The following LOXHD1 variants were observed in gnomAD, a reference collection of about 807,000 sequenced individuals.
LOXHD1 encodes lipoxygenase homology domain-containing protein 1.
A neutral mutation model predicts 248.2 loss-of-function variants in LOXHD1; 205 were observed. The ratio of observed to expected loss-of-function variants is 0.83; its 90% CI spans 0.74 to 0.93. The LOEUF (loss-of-function observed/expected upper bound fraction) is 0.93, where lower values mean the gene tolerates loss of function less well. Among genes scored for constraint, LOXHD1 ranks in the 40% least tolerant of loss-of-function variants. The pLI, the probability that LOXHD1 is intolerant of heterozygous loss-of-function variation, is 0.00. For missense variants in LOXHD1, 2,930 were observed against 2,971.6 expected (o/e 0.99, Z 0.33); for synonymous variants, 1,113 against 1,162.8 (o/e 0.96, Z 0.87).
At chr18:46,653,657 GATGA>G (rs1043918662) in intron 1 of LOXHD1, among the ~76,000 whole-genome samples, 5 of 152,136 alleles carry the variant, frequency 3.3e-5, no homozygotes, top group African/African-American at 9.7e-5. Context: ...TAATTATCTG[GATGA>G]ATGATCATAT....
At chr18:46,577,611 T>G in intron 14 of LOXHD1, 96 bp downstream of exon 14, 2 of 1,399,748 alleles carry the variant, frequency 1.4e-6, no homozygotes, top group African/African-American at 1.4e-5. Flanking sequence ...AAGCCACTGT[T>G]TTGCTTGCTG....
chr18:46,603,998 C>G lies in LOXHD1; in HGVS notation c.883+108G>C, dbSNP rs945195044. ...AGCAGGAGGAATGCTGTCTGCAGAC[C>G]CAGCTGGCTCCTGTTTGATCACAGG... On this transcript the variant is annotated intron_variant, in intron 7 of 40. Transcript: ENST00000642948. The G allele has an allele frequency of 3.5e-6, 5 of 1,432,104 alleles. No individual in the cohort carries two copies. The African/African-American group carries it at 7.1e-5, about 20-fold the overall frequency. 88.7% of individuals were successfully genotyped at this position (1,432,104 alleles called of 1,614,324 possible).
At position 46,553,605 on chromosome 18, in the gene LOXHD1, CCAGA is replaced by C. The variant is rs560073608; in HGVS notation, c.3350+3747_3350+3750del. Among the ~76,000 whole-genome samples, 5 of 152,286 alleles carry C rather than the reference CCAGA, an allele frequency of 3.3e-5. No homozygotes were observed. In the East Asian group the frequency reaches 9.6e-4, roughly 29 times the overall value. ...GTATTTATGGTATGCCTGTAGTGTG[CCAGA>C]CATTCTTCTACGTGCTGGGGTGGAC... On this transcript the variant is annotated intron_variant, in intron 21 of 40. Transcript: ENST00000642948.
At chr18:46,481,863 A>G (rs2032600437) in intron 40 of LOXHD1, among the ~76,000 whole-genome samples, 1 of 152,208 alleles carries the variant, frequency 6.6e-6, no homozygotes. Flanking sequence ...GGAAGGTGCC[A>G]GGTGGTGCTG....
chr18:46,560,063 A>G lies in LOXHD1; in HGVS notation c.3061+20T>C, dbSNP rs2365338. 3.0e-6 allele frequency: 1 copy of G among 336,088 alleles called. No homozygotes were observed. The highest frequency in any genetic ancestry group is 5.3e-6 in the Non-Finnish European group (1 of 190,178). The allele number at this position is 336,088 out of a possible 1,614,324, so 20.8% of individuals were successfully genotyped here. ...GTCTGGCCACTCCCTCCCCACCCCCACCCCCCACGACCCACTTACGCTCAG... is the reference window on the plus strand; with the variant it reads ...GTCTGGCCACTCCCTCCCCACCCCCGCCCCCCACGACCCACTTACGCTCAG... On this transcript the variant is annotated intron_variant, in intron 19 of 40. Transcript: ENST00000642948.
rs71162809 is a variant in LOXHD1 at position 46,573,022 on chromosome 18, CA to C, written c.1971-861del. ...TGGGCGACAGGGTGAGACTCCGTCT[CA>C]AAAAAAAAAAAAAAAAAAAAAAAGA... On this transcript the variant is annotated intron_variant, in intron 14 of 40. Transcript: ENST00000642948. Among the ~76,000 whole-genome samples, 73 of 57,382 alleles carry C rather than the reference CA, an allele frequency of 1.3e-3. 1 individual carries two copies. The highest frequency in any genetic ancestry group is 0.025 in the Middle Eastern group (2 of 80). The allele number at this position is 57,382 out of a possible 152,430, so 37.6% of individuals were successfully genotyped here.
chr18:46,610,170 G>T (rs1297994726), intron 6 of LOXHD1, among the ~76,000 whole-genome samples: 1 of 152,184 alleles, frequency 6.6e-6, no homozygotes, highest in African/African-American at 2.4e-5. Context: ...GCAGAGTCTT[G>T]AAGAATGAAC....
intron 37 of LOXHD1, among the ~76,000 whole-genome samples, chr18:46,489,535 A>G (rs2143634458): frequency 6.6e-6 from 1 of 152,300 alleles, no homozygotes; most frequent in East Asian, 1.9e-4. Flanking sequence ...ACCAAGATGA[A>G]GGATGACTTC....
chr18:46,552,475 G>T (rs572696339), intron 21 of LOXHD1, among the ~76,000 whole-genome samples: 1 of 152,116 alleles, frequency 6.6e-6, no homozygotes, highest in South Asian at 2.1e-4. Flanking sequence ...CACCATCTTA[G>T]GCTTCTCTGC....
rs2035759469 is a variant in LOXHD1 at position 46,524,935 on chromosome 18, G to A, written c.4531-18C>T. Reference sequence around the variant, plus strand: ...GTGTCAGCCTGGGGAGCCCAGATGTGGGGACTCATATGGGGGTGTGCCACC... The same window carrying A: ...GTGTCAGCCTGGGGAGCCCAGATGTAGGGACTCATATGGGGGTGTGCCACC... On this transcript the variant is annotated intron_variant, in intron 29 of 40. Coordinates refer to ENST00000642948, the MANE Select transcript of LOXHD1 (RefSeq NM_001384474.1). 1.9e-6 allele frequency: 3 copies of A among 1,551,372 alleles called. No individual in the cohort carries two copies. Among genetic ancestry groups the A allele is most frequent in the South Asian group, 2.4e-5 (2 of 84,038 alleles).
chr18:46,530,735 G>A (rs1201954270), intron 28 of LOXHD1, among the ~76,000 whole-genome samples: 1 of 152,128 alleles, frequency 6.6e-6, no homozygotes, highest in Non-Finnish European at 1.5e-5. Context: ...CCACAGCAGG[G>A]TTCCCATGAT....
At chr18:46,601,549 C>T (rs1291687079) in intron 7 of LOXHD1, 82 bp from the exon 8 acceptor site, 1 of 1,537,694 alleles carries the variant, frequency 6.5e-7, no homozygotes, top group African/African-American at 1.4e-5. Context: ...TTCCTGGTTA[C>T]AACACCCCCA....
At chr18:46,477,239 GA>G, downstream of LOXHD1, 2 of 743,490 alleles carry the variant, frequency 2.7e-6, no homozygotes, top group Non-Finnish European at 4.9e-6. Context: ...ACAGAAAAAG[GA>G]AATACAAAAA....
At chr18:46,495,584 T>C (rs2033808156) in intron 37 of LOXHD1, among the ~76,000 whole-genome samples, 1 of 152,230 alleles carries the variant, frequency 6.6e-6, no homozygotes, top group African/African-American at 2.4e-5. Context: ...GATTTCTGTG[T>C]ACTTCATATT....
chr18:46,522,926 T>C (rs183865007), intron 31 of LOXHD1, among the ~76,000 whole-genome samples: 74 of 152,252 alleles, frequency 4.9e-4, no homozygotes, highest in Non-Finnish European at 1.6e-4. Flanking sequence ...CATTGTTGGG[T>C]AGGTTTCTGG....
chr18:46,589,078 G>T lies in LOXHD1; in HGVS notation c.1654+2855C>A, dbSNP rs117049182. 4.1e-4 allele frequency among the ~76,000 whole-genome samples: 62 copies of T among 152,234 alleles called. No homozygotes were observed. The East Asian group carries it at 0.012, about 28-fold the overall frequency. ...AGTGTTGGAGGCTGAAAGAATGAGG[G>T]TCGTGATCAACTCAGTATACCACTG... On this transcript the variant is annotated intron_variant, in intron 12 of 40. Coordinates refer to ENST00000642948, the MANE Select transcript of LOXHD1 (RefSeq NM_001384474.1).
chr18:46,639,263 T>A (rs750589833), intron 4 of LOXHD1, among the ~76,000 whole-genome samples: 1 of 152,062 alleles, frequency 6.6e-6, no homozygotes, highest in East Asian at 1.9e-4. Context: ...AGAAAAAGGA[T>A]AGGAAAATGG....
At chr18:46,653,373 T>C (rs1294195936) in intron 1 of LOXHD1, among the ~76,000 whole-genome samples, 1 of 152,256 alleles carries the variant, frequency 6.6e-6, no homozygotes, top group East Asian at 1.9e-4. Context: ...CTGATCTGAA[T>C]ACTGGTTGCA....
At chr18:46,584,146 AAGAG>A (rs138873204) in intron 12 of LOXHD1, among the ~76,000 whole-genome samples, 67 of 152,226 alleles carry the variant, frequency 4.4e-4, no homozygotes, top group African/African-American at 1.6e-3. Flanking sequence ...TTTTAAAAAA[AAGAG>A]AGAGAGAGAT....
Sources: gnomAD v4.1 joint callset for allele counts (sites outside exome capture counted in the v4.1 genomes callset) on GRCh38, gnomAD v4.1.1 for gene constraint, MANE v1.5 for transcripts, NCBI Gene and HGNC (gene_info 2026-07-23, HGNC 2026-07-21) for gene names.